Variants in NDUFS4 observed in about 807,000 individuals in gnomAD.
NDUFS4 encodes the protein NADH:ubiquinone oxidoreductase subunit S4, also known as NADH dehydrogenase [ubiquinone] iron-sulfur protein 4, mitochondrial.
NDUFS4 carries 28 observed loss-of-function variants against 24.3 expected under a neutral mutation model. The ratio of observed to expected loss-of-function variants is 1.15; its 90% CI spans 0.85 to 1.58. The LOEUF (loss-of-function observed/expected upper bound fraction) is 1.58. Ranked by LOEUF, NDUFS4 falls within the 40% of genes most tolerant of loss-of-function variation. The pLI, the probability that NDUFS4 is intolerant of heterozygous loss-of-function variation, is 0.00. For synonymous variants in NDUFS4, 93 were observed against 69.7 expected (o/e 1.34, Z -1.67); for missense variants, 223 against 207.9 (o/e 1.07, Z -0.45).
intron 2 of NDUFS4, among the ~76,000 whole-genome samples, chr5:53,623,242 C>T (rs1008264350): frequency 2.0e-5 from 3 of 152,184 alleles, no homozygotes; most frequent in Non-Finnish European, 2.9e-5. Flanking sequence ...CAGCAATACA[C>T]AAAGGTTCCA....
At chr5:53,671,565 G>A (rs1579941895) in intron 4 of NDUFS4, among the ~76,000 whole-genome samples, 2 of 152,156 alleles carry the variant, frequency 1.3e-5, no homozygotes, top group South Asian at 4.1e-4. Flanking sequence ...GTAAAGAGAC[G>A]AATATCATCT....
rs1751856157 is a variant in NDUFS4 at position 53,646,177 on chromosome 5, C to T, written c.178-56C>T. On this transcript the variant is annotated intron_variant, in intron 2 of 4. Transcript: ENST00000296684. ...ATGAATATAGGAAACAACAAAAGTACATTAGTGTGTATGTAGGCTGTTTGA... is the reference window on the plus strand; with the variant it reads ...ATGAATATAGGAAACAACAAAAGTATATTAGTGTGTATGTAGGCTGTTTGA... The T allele has an allele frequency of 2.9e-6, 4 of 1,360,484 alleles. No homozygotes were observed. The South Asian group carries it at 4.9e-5, about 17-fold the overall frequency. 84.3% of individuals were successfully genotyped at this position (1,360,484 alleles called of 1,614,324 possible).
At chr5:53,678,227 T>G (rs889291446) in intron 4 of NDUFS4, among the ~76,000 whole-genome samples, 6 of 151,702 alleles carry the variant, frequency 4.0e-5, no homozygotes, top group African/African-American at 1.4e-4. Context: ...GCATGGGATG[T>G]TAAAGATCAC....
chr5:53,651,948 T>G (rs535391928), intron 3 of NDUFS4, among the ~76,000 whole-genome samples: 57 of 152,168 alleles, frequency 3.7e-4, no homozygotes, highest in African/African-American at 1.3e-3. Context: ...ATTTTTTTTG[T>G]ATTTTTAGTA....
At chr5:53,618,793 G>A (rs1263301277) in intron 2 of NDUFS4, among the ~76,000 whole-genome samples, 1 of 151,854 alleles carries the variant, frequency 6.6e-6, no homozygotes, top group East Asian at 1.9e-4. Context: ...ATTATATTTG[G>A]TCATTAAACC....
At chr5:53,617,509 T>C (rs1161091916) in intron 2 of NDUFS4, among the ~76,000 whole-genome samples, 4 of 152,102 alleles carry the variant, frequency 2.6e-5, no homozygotes, top group African/African-American at 9.7e-5. Flanking sequence ...GGCCGTCATT[T>C]TTTCCCCCAC....
intron 1 of NDUFS4, among the ~76,000 whole-genome samples, chr5:53,561,072 A>G (rs1352310320): frequency 6.6e-6 from 1 of 152,126 alleles, no homozygotes; most frequent in Non-Finnish European, 1.5e-5. Context: ...CCCTCAGAGA[A>G]GGGGAGGAGT....
At chr5:53,602,522 T>C (rs1579859451) in intron 1 of NDUFS4, among the ~76,000 whole-genome samples, 1 of 152,014 alleles carries the variant, frequency 6.6e-6, no homozygotes, top group African/African-American at 2.4e-5. Flanking sequence ...ATTATCAAAA[T>C]TGAACTTTTA....
chr5:53,646,023 C>G (rs1246830690), intron 2 of NDUFS4, among the ~76,000 whole-genome samples: 1 of 152,094 alleles, frequency 6.6e-6, no homozygotes, highest in African/African-American at 2.4e-5. Flanking sequence ...TCCACTGTCT[C>G]CACTACGTCC....
chr5:53,570,652 T>C (rs1749178308), intron 1 of NDUFS4, among the ~76,000 whole-genome samples: 1 of 151,824 alleles, frequency 6.6e-6, no homozygotes, highest in African/African-American at 2.4e-5. Context: ...TTGTTTTGCA[T>C]CCTTGTTAAC....
chr5:53,626,890 GA>G (rs1561371629), intron 2 of NDUFS4, among the ~76,000 whole-genome samples: 1 of 152,124 alleles, frequency 6.6e-6, no homozygotes, highest in Non-Finnish European at 1.5e-5. Flanking sequence ...AGTTTAATTA[GA>G]TCCCATATGT....
chr5:53,617,538 G>A (rs898837644), intron 2 of NDUFS4, among the ~76,000 whole-genome samples: 23 of 151,162 alleles, frequency 1.5e-4, no homozygotes, highest in Non-Finnish European at 2.4e-4. Context: ...CTCTTCTACC[G>A]CCCGTTTTCT....
intron 2 of NDUFS4, among the ~76,000 whole-genome samples, chr5:53,605,444 A>T (rs1188333718): frequency 6.6e-6 from 1 of 152,222 alleles, no homozygotes; most frequent in Non-Finnish European, 1.5e-5. Flanking sequence ...TGAGTGAGTC[A>T]GCCAGTAATA....
At chr5:53,619,942 CCTAAGTCTAAT>C (rs1750978840) in intron 2 of NDUFS4, among the ~76,000 whole-genome samples, 1 of 151,952 alleles carries the variant, frequency 6.6e-6, no homozygotes, top group Admixed American at 6.6e-5. Flanking sequence ...CATCTTTATA[CCTAAGTCTAAT>C]CTTTGATGAC....
At chr5:53,584,981 TGG>T (rs1453800419) in intron 1 of NDUFS4, among the ~76,000 whole-genome samples, 2 of 152,180 alleles carry the variant, frequency 1.3e-5, no homozygotes. Flanking sequence ...TTGGCCAGGC[TGG>T]TCTCAGACTG....
At chr5:53,646,576 G>A (rs1281238034) in intron 3 of NDUFS4, among the ~76,000 whole-genome samples, 171 bp downstream of exon 3, 3 of 121,220 alleles carry the variant, frequency 2.5e-5, no homozygotes, top group South Asian at 2.7e-4. Flanking sequence ...TAGATATTCA[G>A]ATAAGTGTGG....
At chr5:53,560,911 C>T in intron 1 of NDUFS4, 151 bp downstream of exon 1, 2 of 1,518,470 alleles carry the variant, frequency 1.3e-6, no homozygotes, top group South Asian at 1.2e-5. Flanking sequence ...GGACTGTCTG[C>T]TATCAATGGG....
At chr5:53,636,556 A>G (rs2112495988) in intron 2 of NDUFS4, among the ~76,000 whole-genome samples, 2 of 152,332 alleles carry the variant, frequency 1.3e-5, no homozygotes, top group African/African-American at 4.8e-5. Context: ...TTTTCTTTCT[A>G]CAGTCATTCT....
intron 4 of NDUFS4, among the ~76,000 whole-genome samples, chr5:53,675,179 T>G (rs1264285366): frequency 2.1e-5 from 3 of 146,232 alleles, no homozygotes; most frequent in Non-Finnish European, 4.5e-5. Context: ...TTTTTTTTTT[T>G]GAGGCGGAGT....
Sources: allele counts gnomAD v4.1 joint callset (sites outside exome capture counted in the v4.1 genomes callset), GRCh38; gene constraint gnomAD v4.1.1; transcripts MANE v1.5; gene names NCBI Gene and HGNC (gene_info 2026-07-23, HGNC 2026-07-21).